PPP6R3: variants seen among roughly 807,000 people sequenced by gnomAD.
The protein encoded by PPP6R3 is protein phosphatase 6 regulatory subunit 3, also known as serine/threonine-protein phosphatase 6 regulatory subunit 3.
In PPP6R3, 38 loss-of-function variants were observed where a neutral mutation model predicts 110.7. The observed-to-expected ratio is 0.34, with a 90% CI of 0.26 to 0.45. The LOEUF is 0.45. PPP6R3 is among the 20% of genes least tolerant of loss of function. The probability of loss-of-function intolerance (pLI) is 1.00; values close to 1 mark genes in which losing one functional copy is unlikely to be tolerated. For synonymous variants in PPP6R3, 369 were observed against 373.5 expected (o/e 0.99, Z 0.14); for missense variants, 870 against 1,062.4 (o/e 0.82, Z 2.52).
At chr11:68,567,846 A>C (rs905832485) in intron 10 of PPP6R3, among the ~76,000 whole-genome samples, 13 of 151,992 alleles carry the variant, frequency 8.6e-5, no homozygotes, top group Non-Finnish European at 1.9e-4. Context: ...GTTTCAAAGG[A>C]GGTGTTTGTT....
At chr11:68,478,572 C>T (rs998375117) in intron 1 of PPP6R3, among the ~76,000 whole-genome samples, 14 of 148,420 alleles carry the variant, frequency 9.4e-5, no homozygotes, top group African/African-American at 3.5e-4. Flanking sequence ...TTTAGGCGTG[C>T]CTTTTGAAAG....
At chr11:68,547,343 TAG>T (rs1232603289) in intron 4 of PPP6R3, among the ~76,000 whole-genome samples, 3 of 152,080 alleles carry the variant, frequency 2.0e-5, no homozygotes, top group African/African-American at 7.2e-5. Flanking sequence ...GGTTTGGGAA[TAG>T]ATGACACGTG....
At chr11:68,563,435 G>A (rs1440698896) in intron 8 of PPP6R3, among the ~76,000 whole-genome samples, 4 of 152,068 alleles carry the variant, frequency 2.6e-5, no homozygotes, top group Non-Finnish European at 5.9e-5. Flanking sequence ...GGCATTTAAG[G>A]CCCCCCTGGG....
intron 1 of PPP6R3, among the ~76,000 whole-genome samples, chr11:68,489,521 C>G (rs1292870243): frequency 6.6e-6 from 1 of 150,416 alleles, no homozygotes; most frequent in East Asian, 1.9e-4. Context: ...TATTGTGGCT[C>G]ACTTTCTTTC....
intron 3 of PPP6R3, among the ~76,000 whole-genome samples, chr11:68,542,115 G>A (rs1320531193): frequency 6.6e-6 from 1 of 150,726 alleles, no homozygotes; most frequent in Non-Finnish European, 1.5e-5. Context: ...GTGTGAGGGA[G>A]CAGGCCGCCG....
chr11:68,518,314 A>G (rs1490430979), intron 1 of PPP6R3, among the ~76,000 whole-genome samples: 3 of 152,342 alleles, frequency 2.0e-5, no homozygotes, highest in South Asian at 2.1e-4. Context: ...TCTTTCTGTG[A>G]TGCTCCAGGA....
At chr11:68,476,760 C>T (rs2098835757) in intron 1 of PPP6R3, among the ~76,000 whole-genome samples, 1 of 152,108 alleles carries the variant, frequency 6.6e-6, no homozygotes, top group Non-Finnish European at 1.5e-5. Context: ...TGATGGCTCA[C>T]ACCTGTATTC....
At chr11:68,563,573 C>T (rs2099438815) in intron 8 of PPP6R3, among the ~76,000 whole-genome samples, 1 of 152,214 alleles carries the variant, frequency 6.6e-6, no homozygotes, top group Non-Finnish European at 1.5e-5. Context: ...GGTAGGAGAG[C>T]ATCATTCAGC....
At chr11:68,530,903 G>A (rs766312909) in intron 2 of PPP6R3, among the ~76,000 whole-genome samples, 12 of 152,116 alleles carry the variant, frequency 7.9e-5, no homozygotes, top group Non-Finnish European at 1.6e-4. Context: ...ATTCATTGAC[G>A]ATCTTGTCAT....
rs561374862 is a variant in PPP6R3 at position 68,529,089 on chromosome 11, C to G, written c.-6-8570C>G. 1.5e-4 allele frequency among the ~76,000 whole-genome samples: 23 copies of G among 152,338 alleles called. No homozygotes were observed. The East Asian group carries it at 2.1e-3, about 14-fold the overall frequency. Reference sequence around the variant, plus strand: ...AGTGAGAATTCTAGTTTTTTGTCCACATTAATCAAGTATCTTTGTTTCCCA... The same window carrying G: ...AGTGAGAATTCTAGTTTTTTGTCCAGATTAATCAAGTATCTTTGTTTCCCA... On this transcript the variant is annotated intron_variant, in intron 2 of 23. Transcript: ENST00000393800.
chr11:68,601,829 G>C, intron 20 of PPP6R3, 34 bp from the exon 21 acceptor site: 1 of 1,551,416 alleles, frequency 6.4e-7, no homozygotes, highest in Non-Finnish European at 8.9e-7. Flanking sequence ...ACCATTCCCT[G>C]CTGCTAATAT....
rs532409695 is a variant in PPP6R3, at chr11:68,557,549, C to T, written c.732-1017C>T. ...TTTTTCTTTTTTTGAGGTGGAGTCT[C>T]GTTCTGTCACCCAGGCTGGAGTGCA... is the stretch of plus-strand genomic sequence containing the variant. On this transcript the variant is annotated intron_variant, in intron 7 of 23. Coordinates refer to ENST00000393800, the MANE Select transcript of PPP6R3 (RefSeq NM_001164161.2). 3.9e-5 allele frequency among the ~76,000 whole-genome samples: 6 copies of T among 152,078 alleles called. No individual in the cohort carries two copies. The South Asian group carries it at 8.3e-4, about 21-fold the overall frequency.
At chr11:68,496,434 T>TC (rs1303527286) in intron 1 of PPP6R3, among the ~76,000 whole-genome samples, 1 of 152,012 alleles carries the variant, frequency 6.6e-6, no homozygotes, top group Non-Finnish European at 1.5e-5. Context: ...CCTTAGCCTC[T>TC]CTAGTGGCTG....
intron 1 of PPP6R3, among the ~76,000 whole-genome samples, chr11:68,508,121 C>CTTTTTTGTTTTTTTTTTTT (rs2099088417): frequency 1.3e-5 from 1 of 77,610 alleles, no homozygotes; most frequent in African/African-American, 6.1e-5. Flanking sequence ...GTTTTTTGGC[C>CTTTTTTGTTTTTTTTTTTT]TTTTTTTTTT....
At position 68,569,787 on chromosome 11, in the gene PPP6R3, A is replaced by G. The variant is rs762128569; in HGVS notation, c.1168A>G (p.Thr390Ala). Residue 390 changes from threonine (T) to alanine (A), a missense_variant, in exon 11 of 24, where the codon ACA becomes GCA. Transcript: ENST00000393800. ...FKYTWNNFLHTQVEICIALIL... is the reference protein window; with the variant it reads ...FKYTWNNFLHAQVEICIALIL... ...GTATACATGGAATAACTTTTTGCATACACAAGTGGAAATTTGTATTGCACT... is the reference window on the plus strand; with the variant it reads ...GTATACATGGAATAACTTTTTGCATGCACAAGTGGAAATTTGTATTGCACT... The G allele has an allele frequency of 6.9e-6, 11 of 1,603,128 alleles. No homozygotes were observed. Among genetic ancestry groups the G allele is most frequent in the Non-Finnish European group, 8.5e-6 (10 of 1,173,150 alleles).
chr11:68,572,975 C>T (rs1175781185), intron 12 of PPP6R3, among the ~76,000 whole-genome samples: 1 of 150,892 alleles, frequency 6.6e-6, no homozygotes, highest in Admixed American at 6.6e-5. Context: ...TCCTGAAAGG[C>T]TTTTCTCTCT....
chr11:68,612,026 T>A (rs145058966), intron 23 of PPP6R3, among the ~76,000 whole-genome samples: 17 of 152,366 alleles, frequency 1.1e-4, no homozygotes, highest in Middle Eastern at 3.4e-3. Context: ...TATGTACTTA[T>A]TTCATATGTA....
chr11:68,556,777 GT>G, intron 7 of PPP6R3, among the ~76,000 whole-genome samples: 1 of 152,308 alleles, frequency 6.6e-6, no homozygotes, highest in Middle Eastern at 3.4e-3. Context: ...CAGTCCTTTG[GT>G]TTATTATTTC....
At chr11:68,588,160 A>G (rs996273923) in intron 16 of PPP6R3, 136 bp downstream of exon 16, 4 of 773,618 alleles carry the variant, frequency 5.2e-6, no homozygotes, top group Non-Finnish European at 8.8e-6. Context: ...GTGTTCCTCT[A>G]GTTCCAGCAG....
Sources: gnomAD v4.1 joint callset for allele counts (sites outside exome capture counted in the v4.1 genomes callset) on GRCh38, gnomAD v4.1.1 for gene constraint, MANE v1.5 for transcripts, NCBI Gene and HGNC (gene_info 2026-07-23, HGNC 2026-07-21) for gene names.